Variants in XKR6 observed in about 807,000 individuals in gnomAD.
The protein encoded by XKR6 is XK related 6, also known as XK-related protein 6.
Under a neutral mutation model 56.7 loss-of-function variants are expected in XKR6, and 22 were observed. The ratio of observed to expected loss-of-function variants is 0.39; its 90% confidence interval spans 0.28 to 0.55. XKR6 has a LOEUF of 0.55. XKR6 is among the 20% of genes least tolerant of loss of function. The pLI is 0.66. For missense variants in XKR6, 852 were observed against 889.0 expected (o/e 0.96, Z 0.53); for synonymous variants, 524 against 387.8 (o/e 1.35, Z -4.13).
intron 1 of XKR6, among the ~76,000 whole-genome samples, chr8:11,036,987 T>C (rs557638242): frequency 5.3e-5 from 8 of 152,318 alleles, no homozygotes; most frequent in Middle Eastern, 6.8e-3. Flanking sequence ...CTAGATCGGG[T>C]ATGAAAGCCA....
At chr8:10,998,545 G>A (rs1233715193) in intron 1 of XKR6, among the ~76,000 whole-genome samples, 2 of 152,214 alleles carry the variant, frequency 1.3e-5, no homozygotes, top group African/African-American at 2.4e-5. Context: ...TTTATTAGGA[G>A]TGGTAGAGCA....
chr8:11,042,586 T>A (rs1799312675), intron 1 of XKR6, among the ~76,000 whole-genome samples: 1 of 152,224 alleles, frequency 6.6e-6, no homozygotes, highest in South Asian at 2.1e-4. Context: ...AACCTCTTTT[T>A]CTTTATAAAT....
intron 1 of XKR6, among the ~76,000 whole-genome samples, chr8:11,047,402 A>C (rs1799437383): frequency 6.6e-6 from 1 of 152,228 alleles, no homozygotes. Flanking sequence ...TGTGGCTTTC[A>C]TGGGCTTCAC....
intron 1 of XKR6, among the ~76,000 whole-genome samples, chr8:10,945,081 T>G (rs1801495050): frequency 6.6e-6 from 1 of 152,146 alleles, no homozygotes; most frequent in Non-Finnish European, 1.5e-5. Context: ...GAGCATTGCC[T>G]GGGTGAAACT....
intron 1 of XKR6, among the ~76,000 whole-genome samples, chr8:10,998,406 G>A (rs543811260): frequency 8.5e-5 from 13 of 152,284 alleles, no homozygotes; most frequent in South Asian, 6.2e-4. Flanking sequence ...ACGAGTCTGC[G>A]TTTAAAAATA....
intron 2 of XKR6, among the ~76,000 whole-genome samples, chr8:10,914,204 G>A (rs958287883): frequency 3.3e-5 from 5 of 152,124 alleles, no homozygotes; most frequent in African/African-American, 9.7e-5. Context: ...CACTGTAACC[G>A]CCGCAACCAT....
chr8:11,179,963 T>C (rs921412448), intron 1 of XKR6, among the ~76,000 whole-genome samples: 2 of 151,796 alleles, frequency 1.3e-5, no homozygotes, highest in Non-Finnish European at 2.9e-5. Flanking sequence ...CGAGACCCCA[T>C]CTTCACAAAA....
At chr8:11,132,066 C>A (rs1442771536) in intron 1 of XKR6, among the ~76,000 whole-genome samples, 1 of 152,148 alleles carries the variant, frequency 6.6e-6, no homozygotes, top group Non-Finnish European at 1.5e-5. Context: ...TCTCAAACTT[C>A]AGCACTGCTG....
chr8:11,007,900 C>T (rs1330132196), intron 1 of XKR6, among the ~76,000 whole-genome samples: 1 of 151,952 alleles, frequency 6.6e-6, no homozygotes, highest in Non-Finnish European at 1.5e-5. Context: ...AGCTTGAGCC[C>T]TTGGAAGCAG....
At chr8:11,047,284 A>G (rs1799434015) in intron 1 of XKR6, among the ~76,000 whole-genome samples, 2 of 152,216 alleles carry the variant, frequency 1.3e-5, no homozygotes, top group Non-Finnish European at 2.9e-5. Context: ...CCTTTTGTCA[A>G]CTACACCTCA....
chr8:11,142,644 C>G (rs994016045), intron 1 of XKR6, among the ~76,000 whole-genome samples: 5 of 152,168 alleles, frequency 3.3e-5, no homozygotes, highest in African/African-American at 7.2e-5. Flanking sequence ...GCCTTCTCCC[C>G]CTTCGCCTTC....
intron 1 of XKR6, among the ~76,000 whole-genome samples, chr8:11,051,870 G>A (rs907914370): frequency 3.3e-5 from 5 of 152,130 alleles, no homozygotes; most frequent in Non-Finnish European, 5.9e-5. Flanking sequence ...CGGGATACAC[G>A]TGCAGAACGT....
chr8:11,042,055 G>A (rs1052362341), intron 1 of XKR6, among the ~76,000 whole-genome samples: 1 of 152,138 alleles, frequency 6.6e-6, no homozygotes, highest in African/African-American at 2.4e-5. Context: ...GGTCCTTTAT[G>A]ATTAAATAAG....
chr8:11,017,667 C>G (rs1798657436), intron 1 of XKR6, among the ~76,000 whole-genome samples: 1 of 152,180 alleles, frequency 6.6e-6, no homozygotes, highest in Admixed American at 6.5e-5. Context: ...GTGGCAGTGC[C>G]CTGGGAGAGG....
intron 1 of XKR6, among the ~76,000 whole-genome samples, chr8:11,019,727 G>T (rs1364833133): frequency 6.6e-6 from 1 of 152,206 alleles, no homozygotes; most frequent in Non-Finnish European, 1.5e-5. Context: ...TGCAGACACA[G>T]CCCTCAGAGG....
intron 1 of XKR6, among the ~76,000 whole-genome samples, chr8:10,931,843 ATAAACTTTATCAAAATTAAAAGCTTT>A (rs1801060191): frequency 6.6e-6 from 1 of 152,106 alleles, no homozygotes; most frequent in Non-Finnish European, 1.5e-5. Flanking sequence ...AACAAAAAAG[ATAAACTTTATCAAAATTAAAAGCTTT>A]TGCTCTGTGA....
chr8:11,162,461 C>A (rs1308998462), intron 1 of XKR6, among the ~76,000 whole-genome samples: 1 of 151,940 alleles, frequency 6.6e-6, no homozygotes, highest in Non-Finnish European at 1.5e-5. Context: ...AAAAACAAAA[C>A]AAAACAAAAA....
chr8:11,199,582 C>T (rs2117168345), intron 1 of XKR6, among the ~76,000 whole-genome samples: 1 of 152,310 alleles, frequency 6.6e-6, no homozygotes, highest in South Asian at 2.1e-4. Context: ...CTACAACTCA[C>T]TGTTTCCAGA....
intron 1 of XKR6, among the ~76,000 whole-genome samples, chr8:11,072,468 T>G (rs1429061310): frequency 6.6e-6 from 1 of 152,178 alleles, no homozygotes; most frequent in Non-Finnish European, 1.5e-5. Context: ...GCAGAGCTCC[T>G]CTCAACAACC....
Sources: gnomAD v4.1 joint callset for allele counts (sites outside exome capture counted in the v4.1 genomes callset) on GRCh38, gnomAD v4.1.1 for gene constraint, MANE v1.5 for transcripts, NCBI Gene and HGNC (gene_info 2026-07-23, HGNC 2026-07-21) for gene names.